The following PRKCB variants were observed in gnomAD, a reference collection of about 807,000 sequenced individuals.
PRKCB encodes protein kinase C beta, also known as protein kinase C beta type.
PRKCB carries 13 observed loss-of-function variants against 81.5 expected under a neutral mutation model. That is an observed-to-expected ratio of 0.16 (90% CI 0.10 to 0.25). The LOEUF is 0.25. Among genes scored for constraint, PRKCB ranks in the 10% least tolerant of loss-of-function variants. The pLI, the probability that PRKCB is intolerant of heterozygous loss-of-function variation, is 1.00. For synonymous variants in PRKCB, 335 were observed against 321.4 expected (o/e 1.04, Z -0.45); for missense variants, 509 against 875.7 (o/e 0.58, Z 5.29).
At chr16:23,901,583 G>T (rs1340251273) in intron 2 of PRKCB, among the ~76,000 whole-genome samples, 2 of 152,156 alleles carry the variant, frequency 1.3e-5, no homozygotes. Context: ...GATTTCTCCA[G>T]CCCATCTCTC....
intron 3 of PRKCB, among the ~76,000 whole-genome samples, chr16:24,027,313 T>G (rs1965494159): frequency 6.6e-6 from 1 of 152,200 alleles, no homozygotes; most frequent in South Asian, 2.1e-4. Context: ...TTAAGGTGAA[T>G]GTCCAAGAAG....
intron 3 of PRKCB, among the ~76,000 whole-genome samples, chr16:24,024,726 C>T (rs1965453347): frequency 1.3e-5 from 2 of 152,178 alleles, no homozygotes; most frequent in African/African-American, 4.8e-5. Flanking sequence ...GCCAAGTGTC[C>T]ACCTCTGCCC....
intron 5 of PRKCB, among the ~76,000 whole-genome samples, chr16:24,036,299 C>G (rs1289851819): frequency 3.9e-5 from 6 of 152,004 alleles, no homozygotes; most frequent in African/African-American, 1.5e-4. Context: ...GAAGTTCAAG[C>G]AAAATTGGAA....
At chr16:24,017,547 AAG>A (rs769818269) in intron 3 of PRKCB, among the ~76,000 whole-genome samples, 2 of 152,190 alleles carry the variant, frequency 1.3e-5, no homozygotes, top group Non-Finnish European at 2.9e-5. Flanking sequence ...ACGTTGAAAA[AAG>A]AACATCGACA....
At chr16:24,083,176 GATA>G (rs1468811405) in intron 5 of PRKCB, among the ~76,000 whole-genome samples, 1 of 152,162 alleles carries the variant, frequency 6.6e-6, no homozygotes, top group African/African-American at 2.4e-5. Flanking sequence ...TGATGATAAT[GATA>G]ATAAATACTG....
intron 2 of PRKCB, among the ~76,000 whole-genome samples, chr16:23,885,723 C>A (rs1302086338): frequency 6.6e-6 from 1 of 152,198 alleles, no homozygotes; most frequent in African/African-American, 2.4e-5. Flanking sequence ...TGTATTTGCA[C>A]TGGATTTATT....
At chr16:24,193,416 G>T (rs1162504963) in intron 16 of PRKCB, among the ~76,000 whole-genome samples, 1 of 151,532 alleles carries the variant, frequency 6.6e-6, no homozygotes, top group Non-Finnish European at 1.5e-5. Context: ...CTGCACTCCA[G>T]CCTGGGCGAC....
intron 10 of PRKCB, among the ~76,000 whole-genome samples, chr16:24,165,883 C>CTTTTTTTTTT (rs71154285): frequency 2.4e-4 from 23 of 93,992 alleles, no homozygotes; most frequent in South Asian, 4.2e-4. Context: ...TTCTTTCTTT[C>CTTTTTTTTTT]TTTTTTTTTT....
intron 9 of PRKCB, among the ~76,000 whole-genome samples, chr16:24,136,872 T>A (rs970183190): frequency 5.9e-5 from 9 of 152,042 alleles, no homozygotes; most frequent in Admixed American, 1.3e-4. Context: ...TTAATTTTTT[T>A]ATTTTGTTTA....
chr16:24,073,627 G>T (rs930034246), intron 5 of PRKCB, among the ~76,000 whole-genome samples: 1 of 152,142 alleles, frequency 6.6e-6, no homozygotes, highest in Non-Finnish European at 1.5e-5. Context: ...GAGCCATTGC[G>T]CCTGGCCGGT....
rs1355709771 is a variant in PRKCB at position 23,877,479 on chromosome 16, T to C, written c.205+40073T>C. ...TTGTTGACCCCTCTACAATCCCATATAAGACTCCCCAAGAGTAGATTCTGA... is the reference window on the plus strand; with the variant it reads ...TTGTTGACCCCTCTACAATCCCATACAAGACTCCCCAAGAGTAGATTCTGA... On this transcript the variant is annotated intron_variant, in intron 2 of 16. Coordinates refer to ENST00000643927, the MANE Select transcript of PRKCB (RefSeq NM_002738.7). Among the ~76,000 whole-genome samples the C allele has an allele frequency of 2.0e-5, 3 of 152,186 alleles. No homozygotes were observed. The East Asian group carries it at 5.8e-4, about 29-fold the overall frequency.
chr16:24,219,697 C>T lies in PRKCB; in HGVS notation c.*4881C>T. 1 of 1,290,160 alleles carries T rather than the reference C, an allele frequency of 7.8e-7. No homozygotes were observed. The highest frequency in any genetic ancestry group is 9.9e-7 in the Non-Finnish European group (1 of 1,013,646). 79.9% of individuals were successfully genotyped at this position (1,290,160 alleles called of 1,614,324 possible). On this transcript the variant is annotated 3_prime_UTR_variant, in exon 17 of 17. Coordinates refer to ENST00000643927, the MANE Select transcript of PRKCB (RefSeq NM_002738.7). ...ACACACACACACACACACACACACA[C>T]ACACACCACTTTATGGCAATTCTTA...
intron 2 of PRKCB, among the ~76,000 whole-genome samples, chr16:23,870,632 T>C (rs72777947): frequency 0.085 from 12,948 of 152,206 alleles, 630 homozygotes; most frequent in Middle Eastern, 0.18. Flanking sequence ...GGTAGCTGCT[T>C]CAGGGCATCA....
intron 2 of PRKCB, among the ~76,000 whole-genome samples, chr16:23,973,169 G>T (rs371956851): frequency 1.3e-4 from 19 of 151,618 alleles, no homozygotes; most frequent in African/African-American, 4.6e-4. Flanking sequence ...TCAGTGAAAT[G>T]ATTTTTTTCT....
At chr16:23,862,379 T>C (rs1372003327) in intron 2 of PRKCB, among the ~76,000 whole-genome samples, 10 of 152,228 alleles carry the variant, frequency 6.6e-5, no homozygotes. Context: ...GTCTCTATTA[T>C]GGAATTCCTT....
At position 24,215,382 on chromosome 16, in the gene PRKCB, T is replaced by C. The variant is rs1169847536; in HGVS notation, c.*566T>C. 2.0e-6 allele frequency: 2 copies of C among 986,210 alleles called. No homozygotes were observed. The highest frequency in any genetic ancestry group is 1.1e-4 in the East Asian group (1 of 8,818). The allele number at this position is 986,210 out of a possible 1,614,324, so 61.1% of individuals were successfully genotyped here. ...GATCAAAGTTCTAAAATTCCAAGAA[T>C]GTGCTTTTAGACGGTCTCAATCTAA... On this transcript the variant is annotated 3_prime_UTR_variant, in exon 17 of 17. Transcript: ENST00000643927.
chr16:23,845,610 A>G (rs576016471), intron 2 of PRKCB, among the ~76,000 whole-genome samples: 1 of 152,270 alleles, frequency 6.6e-6, no homozygotes, highest in East Asian at 1.9e-4. Flanking sequence ...ACAAGACCCT[A>G]TCTCAATTAA....
chr16:23,992,428 A>T (rs554759630), intron 3 of PRKCB, among the ~76,000 whole-genome samples: 1 of 152,354 alleles, frequency 6.6e-6, no homozygotes, highest in South Asian at 2.1e-4. Context: ...TGATCTGTTT[A>T]TAGAGATACA....
intron 4 of PRKCB, 108 bp downstream of exon 4, chr16:24,032,355 C>G (rs1971276): frequency 0.43 from 287,970 of 666,612 alleles, 64,632 homozygotes; most frequent in South Asian, 0.62. Context: ...CCCCTGTCCT[C>G]GTTGGGGCTG....
Sources: gnomAD v4.1 joint callset for allele counts (sites outside exome capture counted in the v4.1 genomes callset) on GRCh38, gnomAD v4.1.1 for gene constraint, MANE v1.5 for transcripts, NCBI Gene and HGNC (gene_info 2026-07-23, HGNC 2026-07-21) for gene names.